SETBP1: variants seen among roughly 807,000 people sequenced by gnomAD.
SETBP1 encodes SET-binding protein.
SETBP1 carries 9 observed loss-of-function variants against 101.0 expected under a neutral mutation model. That is an observed-to-expected ratio of 0.09 (90% confidence interval 0.05 to 0.16). The LOEUF is 0.16. SETBP1 is among the 10% of genes least tolerant of loss of function. The pLI, the probability that SETBP1 is intolerant of heterozygous loss-of-function variation, is 1.00. For missense variants in SETBP1, 1,858 were observed against 2,033.8 expected (o/e 0.91, Z 1.66); for synonymous variants, 818 against 788.5 (o/e 1.04, Z -0.63).
At chr18:44,841,640 T>C (rs2072619902) in intron 2 of SETBP1, among the ~76,000 whole-genome samples, 1 of 152,204 alleles carries the variant, frequency 6.6e-6, no homozygotes, top group Non-Finnish European at 1.5e-5. Flanking sequence ...ATTAATTGAT[T>C]GACTCTCAAT....
At chr18:44,684,041 T>G (rs2068798542) in intron 1 of SETBP1, among the ~76,000 whole-genome samples, 2 of 152,144 alleles carry the variant, frequency 1.3e-5, no homozygotes, top group Non-Finnish European at 1.5e-5. Flanking sequence ...GAGGCTGCCC[T>G]GGAGGGTTAG....
chr18:44,704,036 G>A (rs1474828150), intron 2 of SETBP1, among the ~76,000 whole-genome samples: 5 of 152,212 alleles, frequency 3.3e-5, no homozygotes, highest in African/African-American at 9.6e-5. Flanking sequence ...GCAACCCACA[G>A]TTTTGGGAGT....
chr18:44,895,553 A>G (rs1362681931), intron 3 of SETBP1, among the ~76,000 whole-genome samples: 1 of 152,048 alleles, frequency 6.6e-6, no homozygotes, highest in Non-Finnish European at 1.5e-5. Context: ...GCAGAAGTGA[A>G]ATGGCTGCTG....
At chr18:45,045,387 C>T (rs1599489618) in intron 5 of SETBP1, among the ~76,000 whole-genome samples, 1 of 152,172 alleles carries the variant, frequency 6.6e-6, no homozygotes, top group Non-Finnish European at 1.5e-5. Flanking sequence ...GCCGAAATCT[C>T]ACCACTGCAC....
intron 4 of SETBP1, among the ~76,000 whole-genome samples, chr18:45,014,612 T>C (rs2072905542): frequency 1.3e-5 from 2 of 152,162 alleles, no homozygotes; most frequent in African/African-American, 4.8e-5. Context: ...GGGAACTCAA[T>C]GTCTGATTCT....
chr18:44,751,745 A>G (rs111421973), intron 2 of SETBP1, among the ~76,000 whole-genome samples: 2 of 152,346 alleles, frequency 1.3e-5, no homozygotes, highest in African/African-American at 4.8e-5. Flanking sequence ...GAAACCAGGC[A>G]GGCGTATTAG....
intron 2 of SETBP1, among the ~76,000 whole-genome samples, chr18:44,716,875 T>A (rs946094951): frequency 2.6e-5 from 4 of 152,214 alleles, no homozygotes; most frequent in African/African-American, 9.6e-5. Context: ...TGAGTCATTC[T>A]TTTGTGGAAC....
chr18:44,938,427 T>G (rs1020633868), intron 3 of SETBP1, among the ~76,000 whole-genome samples: 7 of 152,208 alleles, frequency 4.6e-5, no homozygotes, highest in African/African-American at 1.2e-4. Flanking sequence ...TTCAGGGTGA[T>G]TAGAATATGA....
At chr18:44,868,416 C>T (rs1054513721) in intron 2 of SETBP1, among the ~76,000 whole-genome samples, 5 of 151,654 alleles carry the variant, frequency 3.3e-5, no homozygotes, top group East Asian at 1.9e-4. Flanking sequence ...AAAAAATGGT[C>T]GGGTGCAGTG....
chr18:44,884,917 T>C (rs1184035067), intron 3 of SETBP1, among the ~76,000 whole-genome samples: 2 of 152,196 alleles, frequency 1.3e-5, no homozygotes. Flanking sequence ...ATTACTACGG[T>C]AATACATAAG....
chr18:45,040,684 T>A (rs1339502673), intron 5 of SETBP1, among the ~76,000 whole-genome samples: 1 of 152,232 alleles, frequency 6.6e-6, no homozygotes, highest in African/African-American at 2.4e-5. Context: ...CTGCCTCCTC[T>A]AGTGCATCCA....
intron 3 of SETBP1, among the ~76,000 whole-genome samples, chr18:44,948,049 A>G (rs1469038368): frequency 6.6e-6 from 1 of 152,340 alleles, no homozygotes; most frequent in Non-Finnish European, 1.5e-5. Flanking sequence ...TAAGATTTCT[A>G]TGTTTTTGCT....
chr18:44,859,589 G>A (rs1183746381), intron 2 of SETBP1, among the ~76,000 whole-genome samples: 1 of 152,148 alleles, frequency 6.6e-6, no homozygotes, highest in Admixed American at 6.5e-5. Flanking sequence ...ATAAACTGGA[G>A]AAAATAATAC....
At chr18:44,729,100 C>T (rs117182794) in intron 2 of SETBP1, among the ~76,000 whole-genome samples, 1,847 of 152,300 alleles carry the variant, frequency 0.012, 20 homozygotes, top group Non-Finnish European at 0.02. Flanking sequence ...CTGCCTGTTA[C>T]AGAGCTAGTA....
At chr18:44,947,327 G>A (rs113193039) in intron 3 of SETBP1, among the ~76,000 whole-genome samples, 5 of 151,910 alleles carry the variant, frequency 3.3e-5, no homozygotes, top group Admixed American at 2.0e-4. Flanking sequence ...AGAAAAAAAC[G>A]GTAGGAGTTA....
chr18:44,952,106 C>G lies in SETBP1; in HGVS notation c.2766C>G (p.Leu922=), dbSNP rs1482737240. 1 of 1,614,036 alleles carries G rather than the reference C, an allele frequency of 6.2e-7. No homozygotes were observed. Among genetic ancestry groups the G allele is most frequent in the Admixed American group, 1.7e-5 (1 of 59,994 alleles). Residue 922 remains leucine (L), a synonymous_variant, in exon 4 of 6, where the codon CTC becomes CTG. Transcript: ENST00000649279. ...KNRHGHRQKH[L]IVDNFLAHES... ...GGCATGGCCACCGGCAAAAGCATCTCATTGTGGACAACTTTCTGGCCCACG... is the reference window on the plus strand; with the variant it reads ...GGCATGGCCACCGGCAAAAGCATCTGATTGTGGACAACTTTCTGGCCCACG...
At chr18:45,000,824 A>ACACACACACACT (rs1435207786) in intron 4 of SETBP1, among the ~76,000 whole-genome samples, 1 of 149,448 alleles carries the variant, frequency 6.7e-6, no homozygotes, top group Admixed American at 6.7e-5. Context: ...ACACACACAC[A>ACACACACACACT]CTCCTAGGAA....
chr18:45,034,761 A>T (rs1490581315), intron 4 of SETBP1, among the ~76,000 whole-genome samples: 2 of 152,112 alleles, frequency 1.3e-5, no homozygotes, highest in African/African-American at 4.8e-5. Flanking sequence ...TGCTCTGAAC[A>T]CGCCTACCAA....
rs956602181 is a variant in SETBP1 at position 44,707,464 on chromosome 18, G to T, written c.486+5632G>T. ...TTTTCCTCCTCTCCAGTTCTATTGGGAGATCTTATTTCCTCCTGTTGCAAG... is the reference window on the plus strand; with the variant it reads ...TTTTCCTCCTCTCCAGTTCTATTGGTAGATCTTATTTCCTCCTGTTGCAAG... On this transcript the variant is annotated intron_variant, in intron 2 of 5. Transcript: ENST00000649279. Among the ~76,000 whole-genome samples the T allele has an allele frequency of 3.3e-5, 5 of 152,178 alleles. 1 individual carries two copies. In the Middle Eastern group the frequency reaches 0.014, roughly 414 times the overall value.
Sources: allele counts gnomAD v4.1 joint callset (sites outside exome capture counted in the v4.1 genomes callset), GRCh38; gene constraint gnomAD v4.1.1; transcripts MANE v1.5; gene names NCBI Gene and HGNC (gene_info 2026-07-23, HGNC 2026-07-21).